The following C1orf21 variants were observed in gnomAD, a reference collection of about 807,000 sequenced individuals.
C1orf21 encodes chromosome 1 open reading frame 21, also known as uncharacterized protein C1orf21.
A neutral mutation model predicts 18.7 loss-of-function variants in C1orf21; 3 were observed. The observed-to-expected ratio is 0.16, with a 90% CI of 0.07 to 0.42. The LOEUF is 0.42. Among genes scored for constraint, C1orf21 ranks in the 10% least tolerant of loss-of-function variants. The probability of loss-of-function intolerance (pLI) is 0.99; values close to 1 mark genes in which losing one functional copy is unlikely to be tolerated. For missense variants in C1orf21, 104 were observed against 143.6 expected (o/e 0.72, Z 1.41); for synonymous variants, 41 against 46.4 (o/e 0.88, Z 0.47).
intron 1 of C1orf21, among the ~76,000 whole-genome samples, chr1:184,418,733 C>A (rs568705957): frequency 6.6e-6 from 1 of 152,304 alleles, no homozygotes; most frequent in East Asian, 1.9e-4. Flanking sequence ...TCAGGCACTA[C>A]AGAAGGCTTG....
rs140899157 is a variant in C1orf21, at chr1:184,561,749, G to C, written c.190-28990G>C. On this transcript the variant is annotated intron_variant, in intron 3 of 5. Transcript: ENST00000235307. ...TCTCCTGCCTCAGCCTCCCAAGTAGGCGGGATTACAGGCGCCCACCACCAT... is the reference window on the plus strand; with the variant it reads ...TCTCCTGCCTCAGCCTCCCAAGTAGCCGGGATTACAGGCGCCCACCACCAT... Among the ~76,000 whole-genome samples, 1,236 of 151,920 alleles carry C rather than the reference G, an allele frequency of 8.1e-3. 20 individuals are homozygous for C. The highest frequency in any genetic ancestry group is 0.028 in the African/African-American group (1,180 of 41,412).
At chr1:184,522,886 G>T (rs955751973) in intron 3 of C1orf21, among the ~76,000 whole-genome samples, 90 of 152,070 alleles carry the variant, frequency 5.9e-4, no homozygotes, top group African/African-American at 2.0e-3. Context: ...ACAGGGTTTT[G>T]CCAGTTGTCC....
chr1:184,576,538 G>T (rs984423026), intron 3 of C1orf21, among the ~76,000 whole-genome samples: 2 of 152,216 alleles, frequency 1.3e-5, no homozygotes, highest in African/African-American at 4.8e-5. Context: ...TGGCACTGCC[G>T]TGTGCATTGC....
chr1:184,590,138 G>A (rs146868834), intron 3 of C1orf21, among the ~76,000 whole-genome samples: 86 of 152,338 alleles, frequency 5.6e-4, no homozygotes, highest in Admixed American at 2.2e-3. Context: ...TAAGATTTGA[G>A]AGTATTTCCT....
chr1:184,421,382 G>T (rs546330755), intron 1 of C1orf21, among the ~76,000 whole-genome samples: 4 of 152,310 alleles, frequency 2.6e-5, no homozygotes, highest in Admixed American at 1.3e-4. Flanking sequence ...CTGGACATGA[G>T]CCGCCATTCT....
chr1:184,394,650 G>A (rs1207024078), intron 1 of C1orf21, among the ~76,000 whole-genome samples: 1 of 152,172 alleles, frequency 6.6e-6, no homozygotes, highest in Non-Finnish European at 1.5e-5. Flanking sequence ...GGGCTGCCAG[G>A]CTGTGATTTG....
chr1:184,427,830 TTTCCTGTACTC>T (rs1656666162), intron 1 of C1orf21, among the ~76,000 whole-genome samples: 1 of 152,172 alleles, frequency 6.6e-6, no homozygotes, highest in Non-Finnish European at 1.5e-5. Context: ...CTCCACATAC[TTTCCTGTACTC>T]TTAGCTCATT....
chr1:184,496,564 A>G (rs1657897830), intron 2 of C1orf21, among the ~76,000 whole-genome samples: 2 of 152,232 alleles, frequency 1.3e-5, no homozygotes, highest in Admixed American at 1.3e-4. Flanking sequence ...TGCAAACCAA[A>G]TAAGAGGAAT....
rs190038985 is a variant in C1orf21, at chr1:184,619,690, C to A, written c.*134C>A. The stretch of plus-strand genomic sequence containing the variant: ...AGAAGATCGTTCCATATTGTACGCC[C>A]CATTAAATTACAGTGTTTCTTAATG... On this transcript the variant is annotated 3_prime_UTR_variant, in exon 6 of 6. Coordinates refer to ENST00000235307, the MANE Select transcript of C1orf21 (RefSeq NM_030806.4). The A allele has an allele frequency of 6.1e-6, 4 of 660,268 alleles. No homozygotes were observed. The highest frequency in any genetic ancestry group is 9.9e-6 in the Non-Finnish European group (4 of 405,644). The allele number at this position is 660,268 out of a possible 1,614,324, so 40.9% of individuals were successfully genotyped here. A position where few individuals can be genotyped will look rare whatever the true frequency, so the allele number is the denominator to read the frequency against.
At chr1:184,451,923 T>C (rs1488479065) in intron 1 of C1orf21, among the ~76,000 whole-genome samples, 1 of 152,190 alleles carries the variant, frequency 6.6e-6, no homozygotes, top group East Asian at 1.9e-4. Context: ...AATAATTTTG[T>C]TTTTAAAAAT....
chr1:184,525,428 ATTTG>A (rs1658364844), intron 3 of C1orf21, among the ~76,000 whole-genome samples: 1 of 151,488 alleles, frequency 6.6e-6, no homozygotes, highest in African/African-American at 2.4e-5. Context: ...TAGCTTTTCT[ATTTG>A]TTTGTTTTTA....
In C1orf21 at chr1:184,434,701, T is replaced by C. The variant is rs796748995; in HGVS notation, c.-124-42685T>C. Among the ~76,000 whole-genome samples, 7 of 152,174 alleles carry C rather than the reference T, an allele frequency of 4.6e-5. 1 individual carries two copies. Among genetic ancestry groups the C allele is most frequent in the African/African-American group, 1.7e-4 (7 of 41,504 alleles). Reference sequence around the variant, plus strand: ...GTGATGGAAGGCACCCATGACAGGGTTCCAAAGAAGAGTTGAGATGAGCAA... The same window carrying C: ...GTGATGGAAGGCACCCATGACAGGGCTCCAAAGAAGAGTTGAGATGAGCAA... On this transcript the variant is annotated intron_variant, in intron 1 of 5. Transcript: ENST00000235307.
intron 3 of C1orf21, among the ~76,000 whole-genome samples, chr1:184,539,789 G>A (rs1658618527): frequency 6.6e-6 from 1 of 152,186 alleles, no homozygotes; most frequent in African/African-American, 2.4e-5. Flanking sequence ...TGTTTTTCCA[G>A]ATGAAATGTG....
chr1:184,483,157 A>G (rs912031765), intron 2 of C1orf21, among the ~76,000 whole-genome samples: 3 of 152,170 alleles, frequency 2.0e-5, no homozygotes, highest in Admixed American at 1.3e-4. Context: ...TCAGATTGGA[A>G]TTTTCCTTCT....
chr1:184,411,859 T>C (rs1040862303), intron 1 of C1orf21, among the ~76,000 whole-genome samples: 27 of 151,956 alleles, frequency 1.8e-4, no homozygotes, highest in African/African-American at 6.3e-4. Context: ...TATTTGATGC[T>C]CTCCTGGTGC....
At chr1:184,392,148 C>T (rs779211608) in intron 1 of C1orf21, among the ~76,000 whole-genome samples, 1 of 152,160 alleles carries the variant, frequency 6.6e-6, no homozygotes, top group South Asian at 2.1e-4. Context: ...AATAACAGTG[C>T]CTAATATTTA....
intron 3 of C1orf21, among the ~76,000 whole-genome samples, chr1:184,535,218 G>A (rs549193712): frequency 2.0e-5 from 3 of 152,098 alleles, no homozygotes; most frequent in Non-Finnish European, 4.4e-5. Flanking sequence ...AGAATGATTC[G>A]GGACAGCTGT....
chr1:184,397,227 T>G (rs1002592093), intron 1 of C1orf21, among the ~76,000 whole-genome samples: 1 of 152,206 alleles, frequency 6.6e-6, no homozygotes, highest in Non-Finnish European at 1.5e-5. Flanking sequence ...ATAATGTCTG[T>G]TATTAAATAG....
At chr1:184,422,228 C>T (rs1484321220) in intron 1 of C1orf21, among the ~76,000 whole-genome samples, 1 of 152,200 alleles carries the variant, frequency 6.6e-6, no homozygotes. Context: ...GCTCATTTCC[C>T]TTTCGAAACT....
Sources: allele counts gnomAD v4.1 joint callset (sites outside exome capture counted in the v4.1 genomes callset), GRCh38; gene constraint gnomAD v4.1.1; transcripts MANE v1.5; gene names NCBI Gene and HGNC (gene_info 2026-07-23, HGNC 2026-07-21).